The following ADAMTS3 variants were observed in gnomAD, a reference collection of about 807,000 sequenced individuals.
ADAMTS3 encodes the protein ADAM metallopeptidase with thrombospondin type 1 motif 3, also known as A disintegrin and metalloproteinase with thrombospondin motifs 3.
Under a neutral mutation model 129.0 loss-of-function variants are expected in ADAMTS3, and 73 were observed. The observed-to-expected ratio is 0.57, with a 90% CI of 0.47 to 0.69. ADAMTS3 has a LOEUF of 0.69. ADAMTS3 is among the 30% of genes least tolerant of loss of function. ADAMTS3 has a pLI of 0.00. For synonymous variants in ADAMTS3, 477 were observed against 510.8 expected (o/e 0.93, Z 0.89); for missense variants, 1,457 against 1,514.5 (o/e 0.96, Z 0.63).
intron 3 of ADAMTS3, among the ~76,000 whole-genome samples, chr4:72,437,223 C>T (rs374320881): frequency 5.3e-4 from 80 of 151,810 alleles, no homozygotes; most frequent in Non-Finnish European, 8.3e-4. Context: ...TCTCTTGCAA[C>T]GGAAATGAAC....
intron 4 of ADAMTS3, among the ~76,000 whole-genome samples, chr4:72,340,347 G>C (rs1485426391): frequency 6.6e-6 from 1 of 151,274 alleles, no homozygotes; most frequent in East Asian, 1.9e-4. Context: ...GTATGTGTAT[G>C]TGTGTGTGGA....
At chr4:72,396,874 T>C (rs1398272517) in intron 4 of ADAMTS3, among the ~76,000 whole-genome samples, 3 of 152,198 alleles carry the variant, frequency 2.0e-5, no homozygotes, top group African/African-American at 7.2e-5. Flanking sequence ...TGTTGCGCTT[T>C]TATTTTAAAA....
intron 3 of ADAMTS3, among the ~76,000 whole-genome samples, chr4:72,444,183 A>G (rs3947708): frequency 0.96 from 145,984 of 151,714 alleles, 70,519 homozygotes; most frequent in East Asian, 1. Flanking sequence ...ATAAAAATGC[A>G]CAGACAGTTC....
chr4:72,288,923 T>TACATACACACAC (rs977045106), intron 20 of ADAMTS3, 55 bp from the exon 21 acceptor site: 19 of 452,748 alleles, frequency 4.2e-5, no homozygotes, highest in African/African-American at 3.7e-4. Context: ...ACCATGCACA[T>TACATACACACAC]ACACACACAC....
chr4:72,309,645 C>A, intron 14 of ADAMTS3, 125 bp from the exon 15 acceptor site: 2 of 1,007,906 alleles, frequency 2.0e-6, no homozygotes, highest in Non-Finnish European at 2.8e-6. Flanking sequence ...CAAACTGCCA[C>A]TGTAGTCATA....
At chr4:72,345,352 G>C (rs550043148) in intron 4 of ADAMTS3, among the ~76,000 whole-genome samples, 1 of 152,204 alleles carries the variant, frequency 6.6e-6, no homozygotes, top group Admixed American at 6.5e-5. Flanking sequence ...CAGAAGCAGA[G>C]AGCAGTTAAC....
chr4:72,426,659 G>C (rs1046196762), intron 3 of ADAMTS3, among the ~76,000 whole-genome samples: 1 of 152,112 alleles, frequency 6.6e-6, no homozygotes, highest in African/African-American at 2.4e-5. Context: ...GACCAAGGAT[G>C]GTGGATCACT....
chr4:72,294,058 C>CA (rs748757485), intron 19 of ADAMTS3, among the ~76,000 whole-genome samples: 5 of 150,386 alleles, frequency 3.3e-5, no homozygotes, highest in Admixed American at 6.6e-5. Context: ...TTTTTCAAAA[C>CA]AAAAAAAATA....
intron 16 of ADAMTS3, among the ~76,000 whole-genome samples, chr4:72,305,304 A>G (rs1173149178): frequency 6.6e-6 from 1 of 152,082 alleles, no homozygotes; most frequent in Non-Finnish European, 1.5e-5. Flanking sequence ...CAAAAACCTG[A>G]CACATGTCAG....
chr4:72,421,779 T>C (rs1275278276), intron 3 of ADAMTS3, among the ~76,000 whole-genome samples: 90 of 152,192 alleles, frequency 5.9e-4, no homozygotes, highest in Non-Finnish European at 1.3e-4. Flanking sequence ...TCTGCACCTC[T>C]TCCCGTCACA....
At chr4:72,476,918 C>G (rs1046672827) in intron 3 of ADAMTS3, among the ~76,000 whole-genome samples, 1 of 152,026 alleles carries the variant, frequency 6.6e-6, no homozygotes, top group Non-Finnish European at 1.5e-5. Context: ...AATCACATAT[C>G]AAATGATGCA....
intron 4 of ADAMTS3, among the ~76,000 whole-genome samples, chr4:72,369,113 C>G (rs549478824): frequency 6.6e-6 from 1 of 152,274 alleles, no homozygotes; most frequent in East Asian, 1.9e-4. Flanking sequence ...AAAAGTAGAT[C>G]CGAACACTTA....
chr4:72,351,524 C>A (rs1223015273), intron 4 of ADAMTS3, among the ~76,000 whole-genome samples: 1 of 140,698 alleles, frequency 7.1e-6, no homozygotes, highest in Non-Finnish European at 1.5e-5. Flanking sequence ...TAAGAAAGTG[C>A]AATTAAGGTT....
chr4:72,441,000 A>G (rs1295075772), intron 3 of ADAMTS3, among the ~76,000 whole-genome samples: 1 of 151,782 alleles, frequency 6.6e-6, no homozygotes, highest in African/African-American at 2.4e-5. Flanking sequence ...CTGTGTAGCC[A>G]GCAGTGAGAT....
intron 4 of ADAMTS3, among the ~76,000 whole-genome samples, chr4:72,372,751 T>C (rs1011671497): frequency 1.3e-5 from 2 of 151,994 alleles, no homozygotes; most frequent in African/African-American, 4.8e-5. Context: ...GCTAACAAAA[T>C]ATATGCAGTA....
rs1397237259 is a variant in ADAMTS3 at position 72,281,748 on chromosome 4, C to G, written c.*1388G>C. The stretch of plus-strand genomic sequence containing the variant: ...ACAAAGCATGCATCTCTAATTATGT[C>G]TCTCTAGTTTACCAAAATATGTAAT... On this transcript the variant is annotated 3_prime_UTR_variant, in exon 22 of 22. Transcript: ENST00000286657. The G allele has an allele frequency of 6.6e-6, 1 of 152,060 alleles. No individual in the cohort carries two copies. The highest frequency in any genetic ancestry group is 1.5e-5 in the Non-Finnish European group (1 of 68,006). 9.4% of individuals were successfully genotyped at this position (152,060 alleles called of 1,614,324 possible). A position where few individuals can be genotyped will look rare whatever the true frequency, so the allele number is the denominator to read the frequency against.
intron 17 of ADAMTS3, among the ~76,000 whole-genome samples, chr4:72,303,312 G>A (rs924522970): frequency 6.7e-6 from 1 of 150,252 alleles, no homozygotes; most frequent in Non-Finnish European, 1.5e-5. Context: ...CCACCTTGTG[G>A]CCATATATTT....
intron 3 of ADAMTS3, among the ~76,000 whole-genome samples, chr4:72,505,395 G>C (rs896603189): frequency 1.3e-5 from 2 of 152,098 alleles, no homozygotes; most frequent in African/African-American, 4.8e-5. Context: ...TATGCAATTT[G>C]ACCTATAAGT....
intron 6 of ADAMTS3, among the ~76,000 whole-genome samples, chr4:72,322,549 A>G (rs1475569551): frequency 6.6e-6 from 1 of 152,190 alleles, no homozygotes; most frequent in Non-Finnish European, 1.5e-5. Flanking sequence ...TATATAAAAT[A>G]TTGTTTTTAG....
Sources: allele counts gnomAD v4.1 joint callset (sites outside exome capture counted in the v4.1 genomes callset), GRCh38; gene constraint gnomAD v4.1.1; transcripts MANE v1.5; gene names NCBI Gene and HGNC (gene_info 2026-07-23, HGNC 2026-07-21).